The following PHKB variants were observed in gnomAD, a reference collection of about 807,000 sequenced individuals.
The protein encoded by PHKB is phosphorylase b kinase regulatory subunit beta.
A neutral mutation model predicts 152.1 loss-of-function variants in PHKB; 122 were observed. The observed-to-expected ratio is 0.80, with a 90% CI of 0.69 to 0.93. The LOEUF is 0.93. PHKB is among the 40% of genes least tolerant of loss of function. The pLI is 0.00. For missense variants in PHKB, 1,304 were observed against 1,328.4 expected, an observed-to-expected ratio of 0.98 and a Z score of 0.29; for synonymous variants, 436 against 464.9, an observed-to-expected ratio of 0.94 and a Z score of 0.80.
Position 47,481,838 on chromosome 16 carries a change from T to C in PHKB, c.77-15561T>C, listed in dbSNP as rs576594503. Among the ~76,000 whole-genome samples the C allele has an allele frequency of 3.5e-3, 529 of 152,314 alleles. 4 individuals carry two copies. Among genetic ancestry groups the C allele is most frequent in the African/African-American group, 0.012 (509 of 41,574 alleles). On this transcript the variant is annotated intron_variant, in intron 1 of 30. Transcript: ENST00000323584. ...AGTTACAAAGTGATACAGCTGTGAT[T>C]GCAGCCCAGTTCTTCCTGTTTTCAA...
chr16:47,612,381 T>G (rs1972444229), intron 14 of PHKB, among the ~76,000 whole-genome samples: 1 of 152,192 alleles, frequency 6.6e-6, no homozygotes, highest in African/African-American at 2.4e-5. Context: ...GCTAACAAAA[T>G]CATCAGTTTA....
Position 47,545,836 on chromosome 16 carries a change from C to A in PHKB, c.595-1597C>A, listed in dbSNP as rs917629631. ...ATATCTCTTCTCACTTCATTTCATT[C>A]ATTTGATCTTCAATCACTGATACCC... On this transcript the variant is annotated intron_variant, in intron 6 of 30. Transcript: ENST00000323584. 2.0e-5 allele frequency among the ~76,000 whole-genome samples: 3 copies of A among 152,132 alleles called. No homozygotes were observed. In the East Asian group the frequency reaches 5.8e-4, roughly 29 times the overall value.
At chr16:47,669,967 C>A (rs1973610649) in intron 26 of PHKB, among the ~76,000 whole-genome samples, 1 of 152,138 alleles carries the variant, frequency 6.6e-6, no homozygotes, top group East Asian at 1.9e-4. Flanking sequence ...GAAAAATTAA[C>A]CAGGCTCTGG....
chr16:47,610,953 C>T (rs781628033), intron 14 of PHKB, 33 bp downstream of exon 14: 11 of 1,260,374 alleles, frequency 8.7e-6, no homozygotes, highest in African/African-American at 1.5e-5. Context: ...GATTTAGACT[C>T]GTCCAGAGAC....
chr16:47,598,330 A>G (rs1597113653), intron 13 of PHKB, among the ~76,000 whole-genome samples: 1 of 152,214 alleles, frequency 6.6e-6, no homozygotes, highest in South Asian at 2.1e-4. Context: ...TGTATTGAAC[A>G]TACTACTAAA....
chr16:47,518,961 C>G (rs938821966), intron 6 of PHKB, among the ~76,000 whole-genome samples: 1 of 152,036 alleles, frequency 6.6e-6, no homozygotes, highest in African/African-American at 2.4e-5. Flanking sequence ...AGAAGTGGGT[C>G]CAGAGAAACT....
intron 14 of PHKB, among the ~76,000 whole-genome samples, chr16:47,611,454 A>C (rs1446941127): frequency 1.3e-5 from 2 of 152,186 alleles, no homozygotes; most frequent in East Asian, 3.8e-4. Flanking sequence ...GCAAACCCTC[A>C]AGTATTAAAT....
chr16:47,499,083 T>G (rs1192843505), intron 2 of PHKB, among the ~76,000 whole-genome samples: 2 of 152,256 alleles, frequency 1.3e-5, no homozygotes, highest in Non-Finnish European at 2.9e-5. Context: ...AATTTCAGAC[T>G]TAAGTAAAAT....
chr16:47,660,573 T>A lies in PHKB; in HGVS notation c.2033+6T>A. ...CGAATCAGTGACACAGAAGAGTAAGTCCCTTTGGGTTATTTCATTTTTGGG... is the reference window on the plus strand; with the variant it reads ...CGAATCAGTGACACAGAAGAGTAAGACCCTTTGGGTTATTTCATTTTTGGG... On this transcript the variant is annotated splice_donor_region_variant and intron_variant, in intron 21 of 30. Transcript: ENST00000323584. 6.2e-7 allele frequency: 1 copy of A among 1,612,898 alleles called. No homozygotes were observed. Among genetic ancestry groups the A allele is most frequent in the Non-Finnish European group, 8.5e-7 (1 of 1,178,876 alleles).
At chr16:47,496,198 A>G (rs143098930) in intron 1 of PHKB, among the ~76,000 whole-genome samples, 59 of 152,052 alleles carry the variant, frequency 3.9e-4, no homozygotes, top group African/African-American at 1.3e-3. Flanking sequence ...GGTATACATT[A>G]CCTGAATCCA....
intron 1 of PHKB, among the ~76,000 whole-genome samples, chr16:47,483,579 C>T (rs181078994): frequency 2.6e-5 from 4 of 152,146 alleles, no homozygotes; most frequent in Admixed American, 6.5e-5. Context: ...AGGCTACATA[C>T]GTTTATTCTA....
At chr16:47,589,719 A>T (rs1458138544) in intron 10 of PHKB, among the ~76,000 whole-genome samples, 1 of 152,252 alleles carries the variant, frequency 6.6e-6, no homozygotes, top group African/African-American at 2.4e-5. Context: ...ACCCCAAAAA[A>T]GTAAGAAGTC....
intron 7 of PHKB, chr16:47,565,809 A>T (rs1971555147): frequency 6.8e-7 from 1 of 1,464,292 alleles, no homozygotes; most frequent in African/African-American, 1.4e-5. Context: ...AGCTGTGTCA[A>T]TGGGCTTTGT....
At position 47,628,725 on chromosome 16, in the gene PHKB, A is replaced by C. The variant is rs1012475445; in HGVS notation, c.1459-12310A>C. Among the ~76,000 whole-genome samples the C allele has an allele frequency of 3.9e-5, 6 of 152,288 alleles. No individual in the cohort carries two copies. The East Asian group carries it at 9.7e-4, about 25-fold the overall frequency. On this transcript the variant is annotated intron_variant, in intron 14 of 30. Coordinates refer to ENST00000323584, the MANE Select transcript of PHKB (RefSeq NM_000293.3). ...AGCCCGCATCGCCAAGTCTATCCTAAGCCAAAAGAACAAAGCTGGAGGCAT... is the reference window on the plus strand; with the variant it reads ...AGCCCGCATCGCCAAGTCTATCCTACGCCAAAAGAACAAAGCTGGAGGCAT...
chr16:47,614,200 T>A (rs747992340), intron 14 of PHKB, among the ~76,000 whole-genome samples: 33 of 152,088 alleles, frequency 2.2e-4, no homozygotes, highest in Non-Finnish European at 4.1e-4. Context: ...AACAACCAGA[T>A]CTTATGAGAA....
Position 47,664,900 on chromosome 16 carries a change from CG to C in PHKB, c.2356del (p.Ala786LeufsTer11). On this transcript the variant is annotated frameshift_variant, in exon 25 of 31. Transcript: ENST00000323584. LOFTEE classifies it high-confidence loss of function. The part of the protein sequence containing the change: ...SQKLWLAVRY[G>X]AAFTQKFSSS... Reference sequence around the variant, plus strand: ...ACACACCCAGGTTGGCGGTGCGCTACGGGGCTGCATTTACCCAGAAATTTTC... The same window carrying C: ...ACACACCCAGGTTGGCGGTGCGCTACGGGCTGCATTTACCCAGAAATTTTC... 1 of 1,613,244 alleles carries C rather than the reference CG, an allele frequency of 6.2e-7. No homozygotes were observed. Among genetic ancestry groups the C allele is most frequent in the East Asian group, 2.2e-5 (1 of 44,868 alleles).
At chr16:47,675,247 G>A (rs1973706321) in intron 26 of PHKB, among the ~76,000 whole-genome samples, 2 of 152,250 alleles carry the variant, frequency 1.3e-5, no homozygotes, top group South Asian at 4.1e-4. Context: ...TTCCACCCCT[G>A]TTACCCTGGT....
chr16:47,627,841 C>G (rs900271799), intron 14 of PHKB, among the ~76,000 whole-genome samples: 1 of 152,196 alleles, frequency 6.6e-6, no homozygotes, highest in African/African-American at 2.4e-5. Context: ...CAGGACATGG[C>G]TGTGTTCAAA....
intron 27 of PHKB, among the ~76,000 whole-genome samples, chr16:47,689,929 T>C (rs1974031625): frequency 6.6e-6 from 1 of 152,228 alleles, no homozygotes; most frequent in Non-Finnish European, 1.5e-5. Context: ...CAACTAGCTG[T>C]TTTTATGAGG....
Sources: allele counts gnomAD v4.1 joint callset (sites outside exome capture counted in the v4.1 genomes callset), GRCh38; gene constraint gnomAD v4.1.1; transcripts MANE v1.5; gene names NCBI Gene and HGNC (gene_info 2026-07-23, HGNC 2026-07-21).